Variants in NFASC observed in about 807,000 individuals in gnomAD.
NFASC encodes the protein neurofascin.
NFASC carries 43 observed loss-of-function variants against 147.5 expected under a neutral mutation model. That is an observed-to-expected ratio of 0.29 (90% CI 0.23 to 0.38). The LOEUF (loss-of-function observed/expected upper bound fraction) is 0.38. NFASC is among the 10% of genes least tolerant of loss of function. NFASC has a pLI of 1.00. For missense variants in NFASC, 1,320 were observed against 1,689.0 expected, an observed-to-expected ratio of 0.78 and a Z score of 3.83; for synonymous variants, 622 against 665.5, an observed-to-expected ratio of 0.93 and a Z score of 1.01.
intron 2 of NFASC, among the ~76,000 whole-genome samples, chr1:204,933,931 A>G (rs184691528): frequency 1.3e-5 from 2 of 152,100 alleles, no homozygotes; most frequent in Admixed American, 6.5e-5. Context: ...TATGGTCAGG[A>G]GTTCGAGGCC....
At chr1:204,829,154 A>C in intron 1 of NFASC, among the ~76,000 whole-genome samples, 1 of 142,596 alleles carries the variant, frequency 7.0e-6, no homozygotes, top group Non-Finnish European at 1.5e-5. Context: ...ACTTTGGATG[A>C]CCCCATGCCT....
At chr1:204,939,436 C>T (rs2093184138) in intron 2 of NFASC, among the ~76,000 whole-genome samples, 1 of 152,158 alleles carries the variant, frequency 6.6e-6, no homozygotes, top group Admixed American at 6.5e-5. Flanking sequence ...CCTAGCTTTG[C>T]CCCTGTGGAA....
At position 204,997,405 on chromosome 1, in the gene NFASC, C is replaced by T. The variant is rs866537431; in HGVS notation, c.3018C>T (p.Ser1006=). ...CCTCCGGGACTAAGATACACGAATC[C>T]GGTACTGCGCATCGCCCATGCTCCC... The part of the protein sequence containing the change: ...TTTSGTKIHE[S]APDEQSIWNV... The change falls in exon 25 of 30, where the codon TCC becomes TCT. Residue 1006 remains serine (S), a splice_region_variant and synonymous_variant. Coordinates refer to ENST00000339876, the MANE Select transcript of NFASC (RefSeq NM_001005388.3). 16 of 1,551,880 alleles carry T rather than the reference C, an allele frequency of 1.0e-5. No individual in the cohort carries two copies. The highest frequency in any genetic ancestry group is 9.6e-5 in the African/African-American group (7 of 73,036).
At chr1:204,862,373 A>G (rs2076752158) in intron 1 of NFASC, among the ~76,000 whole-genome samples, 1 of 152,250 alleles carries the variant, frequency 6.6e-6, no homozygotes, top group African/African-American at 2.4e-5. Flanking sequence ...TTGTTGGAAT[A>G]TGTATATAGC....
chr1:204,943,056 A>G (rs1017538788), intron 2 of NFASC, among the ~76,000 whole-genome samples: 1 of 152,160 alleles, frequency 6.6e-6, no homozygotes, highest in Non-Finnish European at 1.5e-5. Flanking sequence ...TGCACAATTG[A>G]GAGTGGGCTT....
chr1:204,952,018 G>C lies in NFASC; in HGVS notation c.117G>C (p.Gln39His), dbSNP rs1233784653. ...CCCTGTGCACTGTTGCAGTGACGCA[G>C]CCGCCAACCATCACCAAGCAGTCAG... is the stretch of plus-strand genomic sequence containing the variant. ...MDPSIQNELT[Q>H]PPTITKQSAK... Residue 39 changes from glutamine (Q) to histidine (H), a missense_variant, in exon 5 of 30, where the codon CAG (glutamine) becomes CAC (histidine). Around this residue, in one of 3 missense-constraint regions of NFASC, gnomAD observed 981 missense variants for 1,289.5 expected, o/e 0.76. Coordinates refer to ENST00000339876, the MANE Select transcript of NFASC (RefSeq NM_001005388.3). 6.2e-7 allele frequency: 1 copy of C among 1,614,038 alleles called. No individual in the cohort carries two copies. The highest frequency in any genetic ancestry group is 8.5e-7 in the Non-Finnish European group (1 of 1,179,950).
intron 5 of NFASC, among the ~76,000 whole-genome samples, chr1:204,952,485 T>C (rs1469808293): frequency 1.3e-5 from 2 of 152,218 alleles, no homozygotes; most frequent in Admixed American, 1.3e-4. Context: ...TACCTGTTTA[T>C]GTGCTCATTA....
intron 8 of NFASC, among the ~76,000 whole-genome samples, chr1:204,964,828 G>T (rs183665357): frequency 8.1e-4 from 124 of 152,296 alleles, no homozygotes; most frequent in African/African-American, 3.0e-3. Flanking sequence ...GAACTTTCTT[G>T]TCCTGCTAAC....
rs1442050460 is a variant in NFASC, at chr1:204,975,136, T to C, written c.1559-135T>C. The C allele has an allele frequency of 2.1e-6, 2 of 959,156 alleles. No homozygotes were observed. The highest frequency in any genetic ancestry group is 1.6e-5 in the African/African-American group (1 of 60,978). The allele number at this position is 959,156 out of a possible 1,614,324, so 59.4% of individuals were successfully genotyped here. On this transcript the variant is annotated intron_variant, in intron 14 of 29. Coordinates refer to ENST00000339876, the MANE Select transcript of NFASC (RefSeq NM_001005388.3). The surrounding 1 kb of genome is among the most constrained non-coding windows in gnomAD (Gnocchi z 4.0). ...CCCACCCAGAACTCTGCTCCGTTCA[T>C]ACCATAGCATACTGTTTGTGCCCCA...
intron 27 of NFASC, among the ~76,000 whole-genome samples, chr1:205,005,208 C>A (rs940636416): frequency 1.3e-5 from 2 of 152,228 alleles, no homozygotes; most frequent in African/African-American, 2.4e-5. Context: ...CCAAGCCAAA[C>A]TGTATTTGGG....
In NFASC at chr1:204,975,248, G is replaced by A. The variant is rs746795513; in HGVS notation, c.1559-23G>A. 2.1e-5 allele frequency: 34 copies of A among 1,593,398 alleles called. No individual in the cohort carries two copies. Among genetic ancestry groups the A allele is most frequent in the East Asian group, 6.7e-5 (3 of 44,468 alleles). On this transcript the variant is annotated intron_variant, in intron 14 of 29. Transcript: ENST00000339876. This position sits in a 1 kb window ranked among gnomAD's most constrained non-coding sequence, Gnocchi z 4.0. ...GCTGGGCAGAGAACAGGCCAGTGGCGAGTGCTCTGGGCTTCTCCACAGACC... is the reference window on the plus strand; with the variant it reads ...GCTGGGCAGAGAACAGGCCAGTGGCAAGTGCTCTGGGCTTCTCCACAGACC...
At chr1:204,888,227 C>T (rs545361694) in intron 1 of NFASC, among the ~76,000 whole-genome samples, 95 of 152,316 alleles carry the variant, frequency 6.2e-4, no homozygotes, top group Non-Finnish European at 9.8e-4. Flanking sequence ...AACCCCAAAG[C>T]ACTCCCACTG....
chr1:205,002,059 C>G (rs530534147), intron 26 of NFASC, among the ~76,000 whole-genome samples: 6 of 152,322 alleles, frequency 3.9e-5, no homozygotes, highest in Non-Finnish European at 7.4e-5. Context: ...CATACTTTTT[C>G]AGGCTCCTAC....
chr1:204,899,038 G>A (rs1572698574), intron 1 of NFASC, among the ~76,000 whole-genome samples: 2 of 152,280 alleles, frequency 1.3e-5, no homozygotes, highest in East Asian at 1.9e-4. Flanking sequence ...CAGCTCCTGC[G>A]AAGTCCGGAC....
intron 2 of NFASC, 34 bp from the exon 3 acceptor site, chr1:204,944,192 A>G: frequency 1.3e-6 from 2 of 1,538,054 alleles, no homozygotes; most frequent in Non-Finnish European, 8.7e-7. Context: ...CAAGTTCATG[A>G]AAAACTCACT....
At chr1:204,939,373 C>G (rs1371509216) in intron 2 of NFASC, among the ~76,000 whole-genome samples, 1 of 152,124 alleles carries the variant, frequency 6.6e-6, no homozygotes, top group African/African-American at 2.4e-5. Context: ...TCAGACAATT[C>G]TTCCTGTGAC....
rs1276272150 is a variant in NFASC, at chr1:204,979,024, C to T, written c.1933C>T (p.Arg645Trp). 7 of 1,564,982 alleles carry T rather than the reference C, an allele frequency of 4.5e-6. No homozygotes were observed. The African/African-American group carries it at 5.4e-5, about 12-fold the overall frequency. Residue 645 changes from arginine to tryptophan, a missense_variant, in exon 18 of 30, where the codon CGG (arginine) becomes TGG (tryptophan). Transcript: ENST00000339876. This position sits in a 1 kb window ranked among gnomAD's most constrained non-coding sequence, Gnocchi z 6.0. ...GACCGACCTGGCCGAGAGGAGCGTG[C>T]GGCTGACCTGGATCCCCGGGGATGC... ...ELTDLAERSV[R>W]LTWIPGDANN...
intron 1 of NFASC, among the ~76,000 whole-genome samples, chr1:204,878,365 C>T (rs926195733): frequency 6.6e-6 from 1 of 152,116 alleles, no homozygotes; most frequent in African/African-American, 2.4e-5. Flanking sequence ...CAGTTTTCGC[C>T]GTTAAAAAAA....
chr1:204,991,617 A>T (rs930274196), intron 24 of NFASC, among the ~76,000 whole-genome samples: 45 of 152,252 alleles, frequency 3.0e-4, no homozygotes, highest in Admixed American at 2.9e-3. Context: ...GACACTGAGT[A>T]GATTACTTCC....
Sources: gnomAD v4.1 joint callset for allele counts (sites outside exome capture counted in the v4.1 genomes callset) on GRCh38, gnomAD v4.1.1 for gene constraint, gnomAD v4.1.1 regional missense constraint, Gnocchi (gnomAD v3.1) non-coding constraint, MANE v1.5 for transcripts, NCBI Gene and HGNC (gene_info 2026-07-23, HGNC 2026-07-21) for gene names.